Variants in TSPAN9 observed in about 807,000 individuals in gnomAD.
The protein encoded by TSPAN9 is tetraspanin-9.
TSPAN9 carries 16 observed loss-of-function variants against 31.0 expected under a neutral mutation model. The ratio of observed to expected loss-of-function variants is 0.52; its 90% confidence interval spans 0.35 to 0.78. TSPAN9 has a LOEUF of 0.78. Ranked by LOEUF, TSPAN9 falls within the 30% of genes least tolerant of loss-of-function variation. The probability of loss-of-function intolerance (pLI) is 0.01; values close to 1 mark genes in which losing one functional copy is unlikely to be tolerated. For missense variants in TSPAN9, 272 were observed against 312.5 expected (o/e 0.87, Z 0.98); for synonymous variants, 145 against 121.6 (o/e 1.19, Z -1.27).
chr12:3,243,591 G>A (rs1276467880), intron 3 of TSPAN9, among the ~76,000 whole-genome samples: 1 of 152,188 alleles, frequency 6.6e-6, no homozygotes, highest in African/African-American at 2.4e-5. Context: ...TCACGGCACA[G>A]GAAGCTTCAG....
At chr12:3,221,016 C>T (rs2098384222) in intron 3 of TSPAN9, among the ~76,000 whole-genome samples, 1 of 152,160 alleles carries the variant, frequency 6.6e-6, no homozygotes, top group Non-Finnish European at 1.5e-5. Context: ...GGAGACTCAG[C>T]ATCAGGCTGA....
chr12:3,157,102 G>GT (rs748785165), intron 2 of TSPAN9, among the ~76,000 whole-genome samples: 6,660 of 142,756 alleles, frequency 0.047, 367 homozygotes, highest in African/African-American at 0.14. Flanking sequence ...TGAATGTGGT[G>GT]TTTTTTTTTT....
intron 3 of TSPAN9, among the ~76,000 whole-genome samples, chr12:3,218,483 G>C (rs2098382551): frequency 6.6e-6 from 1 of 152,240 alleles, no homozygotes; most frequent in Non-Finnish European, 1.5e-5. Context: ...TTGGGGCTAT[G>C]ATGGCCAGGA....
Position 3,192,438 on chromosome 12 carries a change from G to T in TSPAN9, c.-17-8739G>T, listed in dbSNP as rs1215594845. 6.6e-6 allele frequency among the ~76,000 whole-genome samples: 1 copy of T among 152,148 alleles called. No individual in the cohort carries two copies. The highest frequency in any genetic ancestry group is 2.4e-5 in the African/African-American group (1 of 41,420). On this transcript the variant is annotated intron_variant, in intron 2 of 8. Transcript: ENST00000011898. This position sits in a 1 kb window ranked among gnomAD's most constrained non-coding sequence, Gnocchi z 4.6. ...GATGCCAGGTGCAGGGAGGCTCTGCGGCTTGGACTTGTGTTTGCTTCGAGG... is the reference window on the plus strand; with the variant it reads ...GATGCCAGGTGCAGGGAGGCTCTGCTGCTTGGACTTGTGTTTGCTTCGAGG...
chr12:3,180,407 T>C (rs1286636401), intron 2 of TSPAN9, among the ~76,000 whole-genome samples: 3 of 151,672 alleles, frequency 2.0e-5, no homozygotes, highest in African/African-American at 7.3e-5. Context: ...AACCTGGGAG[T>C]TGAAGAGTGT....
At position 3,283,322 on chromosome 12, in the gene TSPAN9, G is replaced by C; in HGVS notation, c.*206G>C. The stretch of plus-strand genomic sequence containing the variant: ...GGAGGCACACGGAGACCTGGGGCTC[G>C]GGGCCCCTGGATTCCTGCATCTGCA... On this transcript the variant is annotated 3_prime_UTR_variant, in exon 9 of 9. Coordinates refer to ENST00000011898, the MANE Select transcript of TSPAN9 (RefSeq NM_006675.5). 1 of 552,230 alleles carries C rather than the reference G, an allele frequency of 1.8e-6. No individual in the cohort carries two copies. The highest frequency in any genetic ancestry group is 3.1e-6 in the Non-Finnish European group (1 of 319,052). The allele number at this position is 552,230 out of a possible 1,614,324, so 34.2% of individuals were successfully genotyped here.
intron 2 of TSPAN9, among the ~76,000 whole-genome samples, chr12:3,108,612 C>G (rs2098315889): frequency 6.6e-6 from 1 of 152,162 alleles, no homozygotes; most frequent in Non-Finnish European, 1.5e-5. Context: ...GGGAAATTTT[C>G]TTGAGTTACT....
chr12:3,129,943 A>G (rs1336939825), intron 2 of TSPAN9, among the ~76,000 whole-genome samples: 1 of 152,094 alleles, frequency 6.6e-6, no homozygotes, highest in African/African-American at 2.4e-5. Flanking sequence ...GTGCATTCAG[A>G]TATCAGGTGT....
At chr12:3,258,548 G>C (rs527690047) in intron 3 of TSPAN9, among the ~76,000 whole-genome samples, 1 of 152,242 alleles carries the variant, frequency 6.6e-6, no homozygotes, top group South Asian at 2.1e-4. Flanking sequence ...CCTGTTTTGA[G>C]CTGCTGCTTG....
chr12:3,242,992 G>T (rs970503876), intron 3 of TSPAN9, among the ~76,000 whole-genome samples: 2 of 152,182 alleles, frequency 1.3e-5, no homozygotes, highest in East Asian at 1.9e-4. Context: ...GGGAGAACTG[G>T]GTCTCCAGGT....
intron 2 of TSPAN9, chr12:3,200,970 T>C (rs948160121): frequency 3.6e-6 from 2 of 556,532 alleles, no homozygotes; most frequent in African/African-American, 3.9e-5. Context: ...AGTCCATCTT[T>C]GGACAGCAAG....
At chr12:3,230,241 C>G (rs2098389963) in intron 3 of TSPAN9, among the ~76,000 whole-genome samples, 1 of 152,164 alleles carries the variant, frequency 6.6e-6, no homozygotes, top group African/African-American at 2.4e-5. Context: ...ATAGGCATCA[C>G]ACGTTGTCCA....
chr12:3,109,236 A>T (rs373741895), intron 2 of TSPAN9, among the ~76,000 whole-genome samples: 3 of 145,100 alleles, frequency 2.1e-5, no homozygotes, highest in East Asian at 4.3e-4. Flanking sequence ...GCTCCTGGCC[A>T]GGAGGAAGGA....
intron 3 of TSPAN9, among the ~76,000 whole-genome samples, chr12:3,259,952 G>A (rs867568073): frequency 2.8e-4 from 42 of 152,264 alleles, no homozygotes; most frequent in Middle Eastern, 3.2e-3. Context: ...TGGATGGACT[G>A]GAGATGGGAG....
intron 3 of TSPAN9, among the ~76,000 whole-genome samples, chr12:3,261,595 C>T (rs1438890864): frequency 2.0e-5 from 3 of 152,284 alleles, no homozygotes; most frequent in East Asian, 1.9e-4. Flanking sequence ...ACTTTGCCTC[C>T]GAAGATGTGA....
chr12:3,178,025 G>T (rs545184659), intron 2 of TSPAN9, among the ~76,000 whole-genome samples: 1 of 152,334 alleles, frequency 6.6e-6, no homozygotes, highest in African/African-American at 2.4e-5. Flanking sequence ...TCTGCAGGTG[G>T]CATGGTGTCA....
At chr12:3,106,475 A>G (rs531663023) in intron 2 of TSPAN9, among the ~76,000 whole-genome samples, 86 of 152,316 alleles carry the variant, frequency 5.6e-4, no homozygotes, top group African/African-American at 1.9e-3. Flanking sequence ...GAGGTCCTTA[A>G]AAAGAAAGAT....
In TSPAN9 at chr12:3,226,744, GTATATATATATATATATATATATATATA is replaced by G. The variant is rs869054494; in HGVS notation, c.63+25512_63+25539del. ...TGTGTGTGTGTGTGTGTGTGTGTGT[GTATATATATATATATATATATATATATA>G]TATATATATATATATATATATATTT... On this transcript the variant is annotated intron_variant, in intron 3 of 8. Transcript: ENST00000011898. Among the ~76,000 whole-genome samples the G allele has an allele frequency of 5.3e-3, 15 of 2,856 alleles. 1 individual carries two copies. Among genetic ancestry groups the G allele is most frequent in the African/African-American group, 0.012 (15 of 1,208 alleles). 1.9% of individuals were successfully genotyped at this position (2,856 alleles called of 152,430 possible).
At chr12:3,261,661 G>T (rs1379969769) in intron 3 of TSPAN9, among the ~76,000 whole-genome samples, 1 of 152,188 alleles carries the variant, frequency 6.6e-6, no homozygotes, top group Non-Finnish European at 1.5e-5. Context: ...GTGCAAGCAG[G>T]GAGTTTCGGG....
Sources: allele counts gnomAD v4.1 joint callset (sites outside exome capture counted in the v4.1 genomes callset), GRCh38; gene constraint gnomAD v4.1.1; non-coding constraint Gnocchi (gnomAD v3.1); transcripts MANE v1.5; gene names NCBI Gene and HGNC (gene_info 2026-07-23, HGNC 2026-07-21).